Variants in PDE1A observed in about 807,000 individuals in gnomAD.
PDE1A encodes dual specificity calcium/calmodulin-dependent 3',5'-cyclic nucleotide phosphodiesterase 1A.
Under a neutral mutation model 61.7 loss-of-function variants are expected in PDE1A, and 35 were observed. The ratio of observed to expected loss-of-function variants is 0.57; its 90% CI spans 0.43 to 0.75. The LOEUF is 0.75. Ranked by LOEUF, PDE1A falls within the 30% of genes least tolerant of loss-of-function variation. PDE1A has a pLI of 0.00. For synonymous variants in PDE1A, 232 were observed against 213.2 expected, an observed-to-expected ratio of 1.09 and a Z score of -0.77; for missense variants, 597 against 630.6, an observed-to-expected ratio of 0.95 and a Z score of 0.57.
At position 182,364,466 on chromosome 2, in the gene PDE1A, T is replaced by TAAAAAAAAAAAAAAAAAAAAA. The variant is rs201821721; in HGVS notation, c.53+62091_53+62111dup. ...CTCAGACTATATTAGAACACTTTGG[T>TAAAAAAAAAAAAAAAAAAAAA]AAAAAAAAAAAAAAAAAAAAAAAAA... On this transcript the variant is annotated intron_variant, in intron 1 of 13. Coordinates refer to ENST00000351439, the Ensembl canonical transcript of PDE1A. 9.5e-4 allele frequency among the ~76,000 whole-genome samples: 34 copies of TAAAAAAAAAAAAAAAAAAAAA among 35,844 alleles called. 11 individuals are homozygous for TAAAAAAAAAAAAAAAAAAAAA. The highest frequency in any genetic ancestry group is 1.3e-3 in the South Asian group (1 of 760). The allele number at this position is 35,844 out of a possible 152,430, so 23.5% of individuals were successfully genotyped here. A position where few individuals can be genotyped will look rare whatever the true frequency, so the allele number is the denominator to read the frequency against.
the PDE1A span, among the ~76,000 whole-genome samples, chr2:182,663,437 TG>T: frequency 6.6e-6 from 1 of 152,200 alleles, no homozygotes; most frequent in African/African-American, 2.4e-5. Context: ...TGCCTATCTA[TG>T]GTAAACTGGA....
chr2:182,346,865 T>C (rs995964187), intron 1 of PDE1A, among the ~76,000 whole-genome samples: 5 of 152,186 alleles, frequency 3.3e-5, no homozygotes, highest in South Asian at 2.1e-4. Context: ...AGCTCATACC[T>C]GTCTACATCT....
chr2:182,201,965 A>T (rs2125476548), intron 8 of PDE1A, among the ~76,000 whole-genome samples, 176 bp from the exon 9 acceptor site: 1 of 152,310 alleles, frequency 6.6e-6, no homozygotes, highest in Admixed American at 6.5e-5. Context: ...TTACCTTTTA[A>T]CTGTCATGGA....
intron 2 of PDE1A, among the ~76,000 whole-genome samples, chr2:182,435,494 A>G (rs1684339638): frequency 6.6e-6 from 1 of 152,050 alleles, no homozygotes; most frequent in African/African-American, 2.4e-5. Context: ...GGTGTCAGTC[A>G]TGCGGCATTC....
the PDE1A span, among the ~76,000 whole-genome samples, chr2:182,594,534 T>G: frequency 6.6e-6 from 1 of 152,208 alleles, no homozygotes; most frequent in Non-Finnish European, 1.5e-5. Context: ...TTCCTCAAAT[T>G]CTTTTTGACT....
At chr2:182,147,949 G>T (rs1169851071) in intron 13 of PDE1A, among the ~76,000 whole-genome samples, 1 of 152,142 alleles carries the variant, frequency 6.6e-6, no homozygotes, top group Non-Finnish European at 1.5e-5. Flanking sequence ...TTGTAGCATT[G>T]TATCAATTCA....
At chr2:182,387,454 A>T (rs569319901) in intron 1 of PDE1A, among the ~76,000 whole-genome samples, 19 of 151,908 alleles carry the variant, frequency 1.3e-4, no homozygotes, top group African/African-American at 4.6e-4. Flanking sequence ...AAAGAAAGAA[A>T]GAAGAAAGAA....
intron 2 of PDE1A, among the ~76,000 whole-genome samples, chr2:182,260,330 A>G (rs1282619823): frequency 6.6e-6 from 1 of 152,222 alleles, no homozygotes; most frequent in South Asian, 2.1e-4. Flanking sequence ...TTTAAAGTTT[A>G]AAAGCAACTA....
At chr2:182,429,930 G>T (rs1703846649), upstream of PDE1A, among the ~76,000 whole-genome samples, 1 of 152,170 alleles carries the variant, frequency 6.6e-6, no homozygotes, top group African/African-American at 2.4e-5. Context: ...CGTAAGTCTA[G>T]TCAAATAGGA....
downstream of PDE1A, chr2:182,142,850 G>A (rs1690293587): frequency 6.6e-6 from 1 of 152,084 alleles, no homozygotes; most frequent in African/African-American, 2.4e-5. Flanking sequence ...CAGAAGCACT[G>A]GCCAAAAACT....
chr2:182,375,072 G>A (rs1700319876), intron 1 of PDE1A, among the ~76,000 whole-genome samples: 1 of 152,146 alleles, frequency 6.6e-6, no homozygotes, highest in Admixed American at 6.5e-5. Context: ...CTTCCACCAG[G>A]TCCCTGACTC....
intron 1 of PDE1A, among the ~76,000 whole-genome samples, chr2:182,290,733 G>A (rs1198961459): frequency 6.6e-6 from 1 of 151,686 alleles, no homozygotes; most frequent in Admixed American, 6.6e-5. Context: ...TAGTGTTGTC[G>A]AGGGTTCTAT....
intron 1 of PDE1A, among the ~76,000 whole-genome samples, chr2:182,344,987 G>A (rs1235808322): frequency 6.6e-6 from 1 of 152,078 alleles, no homozygotes; most frequent in African/African-American, 2.4e-5. Flanking sequence ...TCTTTTCCTT[G>A]GTTTTCTACC....
the PDE1A span, among the ~76,000 whole-genome samples, chr2:182,694,829 G>A: frequency 9.9e-6 from 1 of 100,922 alleles, no homozygotes; most frequent in African/African-American, 3.0e-5. Context: ...AAAAGGTGGG[G>A]GGGGGGCAAC....
At chr2:182,558,928 G>A in the PDE1A span, among the ~76,000 whole-genome samples, 1 of 152,132 alleles carries the variant, frequency 6.6e-6, no homozygotes, top group Non-Finnish European at 1.5e-5. Context: ...GGCTGTTGAG[G>A]AACGTTTTTT....
chr2:182,527,317 AAAAAAAAAAAATATATAT>A (rs1351678542), upstream of PDE1A, among the ~76,000 whole-genome samples: 3 of 52,358 alleles, frequency 5.7e-5, no homozygotes, highest in African/African-American at 1.7e-4. Context: ...AAAAAAAAAA[AAAAAAAAAAAATATATAT>A]ATATATATAT....
chr2:182,400,226 A>G (rs999806395), intron 1 of PDE1A, among the ~76,000 whole-genome samples: 2 of 152,176 alleles, frequency 1.3e-5, no homozygotes, highest in Non-Finnish European at 2.9e-5. Context: ...AGAAGGTTCC[A>G]TGTACTTGAC....
At chr2:182,524,716 T>A (rs542207004), upstream of PDE1A, among the ~76,000 whole-genome samples, 2 of 152,122 alleles carry the variant, frequency 1.3e-5, no homozygotes. Context: ...AGAATTCAAA[T>A]CATTTTTCTT....
At chr2:182,155,238 C>T (rs576132276) in intron 13 of PDE1A, among the ~76,000 whole-genome samples, 2 of 152,038 alleles carry the variant, frequency 1.3e-5, no homozygotes, top group South Asian at 2.1e-4. Context: ...CACAAGCACA[C>T]CACCATGCCC....
Sources: gnomAD v4.1 joint callset for allele counts (sites outside exome capture counted in the v4.1 genomes callset) on GRCh38, gnomAD v4.1.1 for gene constraint, MANE v1.5 for transcripts, NCBI Gene and HGNC (gene_info 2026-07-23, HGNC 2026-07-21) for gene names.